The following LAMA1 variants were observed in gnomAD, a reference collection of about 807,000 sequenced individuals.
LAMA1 encodes the protein laminin subunit alpha 1, also known as laminin subunit alpha-1.
LAMA1 carries 219 observed loss-of-function variants against 348.7 expected under a neutral mutation model. The ratio of observed to expected loss-of-function variants is 0.63; its 90% confidence interval spans 0.56 to 0.70. The LOEUF (loss-of-function observed/expected upper bound fraction) is 0.70, where lower values mean the gene tolerates loss of function less well. Among genes scored for constraint, LAMA1 ranks in the 30% least tolerant of loss-of-function variants. LAMA1 has a pLI of 0.00. For missense variants in LAMA1, 3,744 were observed against 3,888.0 expected, an observed-to-expected ratio of 0.96 and a Z score of 0.99; for synonymous variants, 1,487 against 1,491.0, an observed-to-expected ratio of 1.00 and a Z score of 0.06.
chr18:7,042,766 C>G (rs1033481053), intron 8 of LAMA1: 1 of 202,156 alleles, frequency 4.9e-6, no homozygotes, highest in African/African-American at 2.4e-5. Context: ...GCCTGTAATC[C>G]CAGCTACTCG....
chr18:7,059,209 C>T (rs1448988035), intron 3 of LAMA1, among the ~76,000 whole-genome samples: 2 of 152,128 alleles, frequency 1.3e-5, no homozygotes, highest in African/African-American at 4.8e-5. Context: ...AATATTAAAC[C>T]CTTGTCCCAA....
chr18:7,072,319 T>C (rs907608484), intron 3 of LAMA1, among the ~76,000 whole-genome samples: 1 of 152,200 alleles, frequency 6.6e-6, no homozygotes, highest in Non-Finnish European at 1.5e-5. Flanking sequence ...AACTCATGTT[T>C]ATTAAATGTG....
In LAMA1 at chr18:6,943,180, C is replaced by T. The variant is rs1448564096; in HGVS notation, c.9067G>A (p.Ala3023Thr). The change falls in exon 62 of 63, where the codon GCT becomes ACT. Residue 3023 changes from alanine to threonine, a missense_variant and splice_region_variant. Around this residue, in one of 3 missense-constraint regions of LAMA1, gnomAD observed 232 missense variants for 264.4 expected, o/e 0.88. Transcript: ENST00000389658. ...TGGAAGAGCAGGTACCCGTACATACCAGGATAGCCACCAACATAAATGGGA... is the reference window on the plus strand; with the variant it reads ...TGGAAGAGCAGGTACCCGTACATACTAGGATAGCCACCAACATAAATGGGA... ...NNPIYVGGYPAGVKQKCLRSQ... is the reference protein window; with the variant it reads ...NNPIYVGGYPTGVKQKCLRSQ... 1 of 1,613,956 alleles carries T rather than the reference C, an allele frequency of 6.2e-7. No homozygotes were observed. The highest frequency in any genetic ancestry group is 1.7e-5 in the Admixed American group (1 of 60,022).
At chr18:7,063,109 T>C (rs2143750232) in intron 3 of LAMA1, among the ~76,000 whole-genome samples, 1 of 152,314 alleles carries the variant, frequency 6.6e-6, no homozygotes, top group South Asian at 2.1e-4. Flanking sequence ...ACAATAATTA[T>C]GTGTTTTCTT....
intron 23 of LAMA1, among the ~76,000 whole-genome samples, chr18:7,012,955 T>A: frequency 6.7e-6 from 1 of 149,128 alleles, no homozygotes; most frequent in African/African-American, 2.5e-5. Flanking sequence ...AGGTCAGGAG[T>A]TCGAGACCAG....
intron 57 of LAMA1, 108 bp from the exon 58 acceptor site, chr18:6,951,079 A>C: frequency 5.9e-5 from 55 of 935,452 alleles, no homozygotes; most frequent in Non-Finnish European, 8.5e-5. Flanking sequence ...TGAACATCTC[A>C]GGAGAGAGGG....
At position 6,941,859 on chromosome 18, in the gene LAMA1, G is replaced by A. The variant is rs1028647598; in HGVS notation, c.*220C>T. On this transcript the variant is annotated 3_prime_UTR_variant, in exon 63 of 63. Transcript: ENST00000389658. ...TGTATAAAGATTTTTTTAAAAATAC[G>A]TTTAAAAAGAGAGCCAGGGAATTCA... 12 of 554,804 alleles carry A rather than the reference G, an allele frequency of 2.2e-5. No individual in the cohort carries two copies. Among genetic ancestry groups the A allele is most frequent in the African/African-American group, 5.7e-5 (3 of 52,840 alleles). The allele number at this position is 554,804 out of a possible 1,614,324, so 34.4% of individuals were successfully genotyped here. A position where few individuals can be genotyped will look rare whatever the true frequency, so the allele number is the denominator to read the frequency against.
At chr18:6,942,736 T>G (rs1426225858) in intron 62 of LAMA1, among the ~76,000 whole-genome samples, 1 of 152,302 alleles carries the variant, frequency 6.6e-6, no homozygotes, top group African/African-American at 2.4e-5. Flanking sequence ...TATATAAAAT[T>G]TTAAGGCATA....
At chr18:7,087,675 C>T (rs753119009) in intron 1 of LAMA1, among the ~76,000 whole-genome samples, 15 of 152,132 alleles carry the variant, frequency 9.9e-5, no homozygotes, top group Non-Finnish European at 2.1e-4. Flanking sequence ...GGAATCCAAA[C>T]TCTGAAATCG....
rs113469394 is a variant in LAMA1 at position 7,033,527 on chromosome 18, C to T, written c.2052-432G>A. On this transcript the variant is annotated intron_variant, in intron 14 of 62. Transcript: ENST00000389658. ...TTTGTAAATAACTAAAGGTCTTTCACAACAATATATTATCTGGGAGCCATC... is the reference window on the plus strand; with the variant it reads ...TTTGTAAATAACTAAAGGTCTTTCATAACAATATATTATCTGGGAGCCATC... 2.7e-3 allele frequency among the ~76,000 whole-genome samples: 402 copies of T among 151,482 alleles called. 2 individuals are homozygous for T. Among genetic ancestry groups the T allele is most frequent in the African/African-American group, 8.7e-3 (358 of 41,214 alleles).
At chr18:7,093,030 G>A (rs558923535) in intron 1 of LAMA1, among the ~76,000 whole-genome samples, 8 of 152,266 alleles carry the variant, frequency 5.3e-5, no homozygotes, top group South Asian at 2.1e-4. Flanking sequence ...AAAGTATACC[G>A]AATTGAGGAG....
chr18:7,113,082 C>G (rs185004551), intron 1 of LAMA1, among the ~76,000 whole-genome samples: 4 of 152,072 alleles, frequency 2.6e-5, no homozygotes, highest in Admixed American at 6.5e-5. Flanking sequence ...TTGACAAGGC[C>G]GAGAGAGAAG....
intron 44 of LAMA1, among the ~76,000 whole-genome samples, chr18:6,977,158 A>G (rs1316430883): frequency 1.3e-5 from 2 of 152,210 alleles, no homozygotes; most frequent in Non-Finnish European, 2.9e-5. Context: ...GGGCACAGCC[A>G]GTGCCATGTG....
At chr18:7,022,540 A>G (rs1193091934) in intron 19 of LAMA1, among the ~76,000 whole-genome samples, 1 of 152,166 alleles carries the variant, frequency 6.6e-6, no homozygotes, top group Non-Finnish European at 1.5e-5. Flanking sequence ...GAAATACTCA[A>G]AATAATTTAT....
intron 3 of LAMA1, among the ~76,000 whole-genome samples, chr18:7,056,769 T>C (rs996901904): frequency 2.6e-5 from 4 of 152,150 alleles, no homozygotes; most frequent in Non-Finnish European, 5.9e-5. Context: ...GGGAACACGA[T>C]GGAGAGTGTG....
chr18:7,026,833 T>C (rs2057945734), intron 16 of LAMA1, among the ~76,000 whole-genome samples: 1 of 151,854 alleles, frequency 6.6e-6, no homozygotes, highest in African/African-American at 2.4e-5. Context: ...CCATCTCTAC[T>C]AAAAATACAA....
At chr18:7,058,364 G>A (rs543717277) in intron 3 of LAMA1, among the ~76,000 whole-genome samples, 1 of 152,180 alleles carries the variant, frequency 6.6e-6, no homozygotes, top group Non-Finnish European at 1.5e-5. Context: ...ACAAACTAGG[G>A]GTCCTGAGAG....
chr18:6,961,510 A>T lies in LAMA1; in HGVS notation c.7626+76T>A, dbSNP rs1054601099. The T allele has an allele frequency of 3.9e-6, 6 of 1,527,952 alleles. No individual in the cohort carries two copies. The African/African-American group carries it at 5.5e-5, about 14-fold the overall frequency. 94.6% of individuals were successfully genotyped at this position (1,527,952 alleles called of 1,614,324 possible). ...AACACGGTGACAATAAATGTTTATG[A>T]GTCAGTCATTTTCCACTCATTGTTT... On this transcript the variant is annotated intron_variant, in intron 53 of 62. Coordinates refer to ENST00000389658, the MANE Select transcript of LAMA1 (RefSeq NM_005559.4).
In LAMA1 at chr18:6,941,873, C is replaced by A. The variant is rs2057499958; in HGVS notation, c.*206G>T. On this transcript the variant is annotated 3_prime_UTR_variant, in exon 63 of 63. Coordinates refer to ENST00000389658, the MANE Select transcript of LAMA1 (RefSeq NM_005559.4). ...TTTAAAAATACGTTTAAAAAGAGAG[C>A]CAGGGAATTCAATTTACATTTTAGA... 1.7e-6 allele frequency: 1 copy of A among 597,282 alleles called. No homozygotes were observed. Among genetic ancestry groups the A allele is most frequent in the Non-Finnish European group, 2.9e-6 (1 of 339,146 alleles). 37.0% of individuals were successfully genotyped at this position (597,282 alleles called of 1,614,324 possible).
Sources: gnomAD v4.1 joint callset for allele counts (sites outside exome capture counted in the v4.1 genomes callset) on GRCh38, gnomAD v4.1.1 for gene constraint, gnomAD v4.1.1 regional missense constraint, MANE v1.5 for transcripts, NCBI Gene and HGNC (gene_info 2026-07-23, HGNC 2026-07-21) for gene names.